WNT7A: variants seen among roughly 807,000 people sequenced by gnomAD.
WNT7A encodes Wnt family member 7A.
WNT7A carries 16 observed loss-of-function variants against 28.2 expected under a neutral mutation model. That is an observed-to-expected ratio of 0.57 (90% CI 0.38 to 0.86). The LOEUF is 0.86. Ranked by LOEUF, WNT7A falls within the 40% of genes least tolerant of loss-of-function variation. The probability of loss-of-function intolerance (pLI) is 0.00; values close to 1 mark genes in which losing one functional copy is unlikely to be tolerated. For synonymous variants in WNT7A, 190 were observed against 195.9 expected, an observed-to-expected ratio of 0.97 and a Z score of 0.25; for missense variants, 411 against 489.7, an observed-to-expected ratio of 0.84 and a Z score of 1.52.
At chr3:13,876,993 G>C (rs1463322846) in intron 1 of WNT7A, 1 of 152,220 alleles carries the variant, frequency 6.6e-6, no homozygotes, top group Non-Finnish European at 1.5e-5. Context: ...TTCCTCCTGA[G>C]AGGATGAGCT....
rs544957652 is a variant in WNT7A at position 13,871,015 on chromosome 3, G to A, written c.298+3932C>T. On this transcript the variant is annotated intron_variant, in intron 2 of 3. Coordinates refer to ENST00000285018, the MANE Select transcript of WNT7A (RefSeq NM_004625.4). ...ATACTCAGAAGGGAGCCAGGCATGC[G>A]ATGAAGAACTCTTCCTCTTCAGTCA... 3.9e-5 allele frequency among the ~76,000 whole-genome samples: 6 copies of A among 152,328 alleles called. No individual in the cohort carries two copies. The South Asian group carries it at 6.2e-4, about 16-fold the overall frequency.
chr3:13,851,641 G>A (rs1018212240), intron 3 of WNT7A, among the ~76,000 whole-genome samples: 6 of 152,182 alleles, frequency 3.9e-5, no homozygotes, highest in South Asian at 4.1e-4. Context: ...TAGACTGAAC[G>A]TCTAGTCTTG....
At chr3:13,838,265 C>T (rs114142163) in intron 3 of WNT7A, among the ~76,000 whole-genome samples, 73 of 152,262 alleles carry the variant, frequency 4.8e-4, no homozygotes, top group Admixed American at 1.8e-3. Flanking sequence ...CTCAGCTGTG[C>T]GGCTTCGGGT....
intron 3 of WNT7A, among the ~76,000 whole-genome samples, chr3:13,822,317 C>T (rs940666445): frequency 1.7e-4 from 26 of 152,258 alleles, no homozygotes; most frequent in South Asian, 1.5e-3. Flanking sequence ...AAAAAGTGAG[C>T]GGAATAACTC....
chr3:13,871,477 C>A (rs1178173786), intron 2 of WNT7A, among the ~76,000 whole-genome samples: 1 of 152,130 alleles, frequency 6.6e-6, no homozygotes, highest in East Asian at 1.9e-4. Context: ...ACTGCCACTA[C>A]CCTAGAAGTC....
intron 3 of WNT7A, among the ~76,000 whole-genome samples, chr3:13,829,902 T>C (rs1294074718): frequency 6.6e-6 from 1 of 152,018 alleles, no homozygotes; most frequent in Non-Finnish European, 1.5e-5. Context: ...CTTCATCCTT[T>C]CTCCTGCCTT....
At chr3:13,858,717 GA>G (rs1694785924) in intron 2 of WNT7A, among the ~76,000 whole-genome samples, 1 of 152,154 alleles carries the variant, frequency 6.6e-6, no homozygotes, top group South Asian at 2.1e-4. Context: ...AGACACCGAT[GA>G]GGGCCAGTCA....
chr3:13,858,525 A>G (rs1343801588), intron 2 of WNT7A, among the ~76,000 whole-genome samples: 1 of 151,998 alleles, frequency 6.6e-6, no homozygotes, highest in African/African-American at 2.4e-5. Context: ...TTTCCATCCC[A>G]CCCCTGAGGT....
chr3:13,823,080 C>T (rs1256000619), intron 3 of WNT7A, among the ~76,000 whole-genome samples: 1 of 152,226 alleles, frequency 6.6e-6, no homozygotes, highest in African/African-American at 2.4e-5. Context: ...CCACATTAAG[C>T]CAGGCATAAT....
chr3:13,850,420 C>T (rs950107651), intron 3 of WNT7A, among the ~76,000 whole-genome samples: 6 of 152,132 alleles, frequency 3.9e-5, no homozygotes, highest in Admixed American at 1.3e-4. Flanking sequence ...GGTGGGAATC[C>T]AGCTCCCAGG....
chr3:13,834,681 A>G (rs115735961), intron 3 of WNT7A, among the ~76,000 whole-genome samples: 1,688 of 151,962 alleles, frequency 0.011, 25 homozygotes, highest in African/African-American at 0.039. Context: ...CCCACTCTCC[A>G]CATGGCTCCC....
At chr3:13,819,711 G>A (rs1694080994) in intron 3 of WNT7A, among the ~76,000 whole-genome samples, 1 of 152,194 alleles carries the variant, frequency 6.6e-6, no homozygotes, top group African/African-American at 2.4e-5. Context: ...ACAGCAAGGA[G>A]AAAGAATGAA....
intron 3 of WNT7A, among the ~76,000 whole-genome samples, chr3:13,840,772 TATCC>T (rs902894307): frequency 2.6e-5 from 4 of 151,286 alleles, no homozygotes; most frequent in African/African-American, 9.7e-5. Flanking sequence ...ATCTAGCAAA[TATCC>T]ATCCATCCAT....
intron 3 of WNT7A, among the ~76,000 whole-genome samples, chr3:13,849,266 C>T (rs1694590297): frequency 6.6e-6 from 1 of 152,216 alleles, no homozygotes; most frequent in African/African-American, 2.4e-5. Flanking sequence ...TTCCACAATT[C>T]CATGTGAATC....
At position 13,826,283 on chromosome 3, in the gene WNT7A, A is replaced by C. The variant is rs139394514; in HGVS notation, c.571-6860T>G. Among the ~76,000 whole-genome samples, 443 of 152,276 alleles carry C rather than the reference A, an allele frequency of 2.9e-3. 1 individual carries two copies. The highest frequency in any genetic ancestry group is 0.01 in the African/African-American group (424 of 41,558). On this transcript the variant is annotated intron_variant, in intron 3 of 3. Coordinates refer to ENST00000285018, the MANE Select transcript of WNT7A (RefSeq NM_004625.4). ...AACTGTGGAATTAATAATTCCCCTG[A>C]ATCTAATCATACATTGGTAAGTGCT...
chr3:13,831,684 C>G (rs912402378), intron 3 of WNT7A, among the ~76,000 whole-genome samples: 2 of 152,128 alleles, frequency 1.3e-5, no homozygotes, highest in African/African-American at 4.8e-5. Context: ...ACCACTCCCC[C>G]TCCCTGGGCA....
chr3:13,879,637 G>T, intron 1 of WNT7A, 109 bp downstream of exon 1: 1 of 1,273,616 alleles, frequency 7.9e-7, no homozygotes, highest in Non-Finnish European at 1.1e-6. Flanking sequence ...CGGCCTCTCA[G>T]AGAAGCTGTG....
At chr3:13,846,644 G>A (rs1479210891) in intron 3 of WNT7A, among the ~76,000 whole-genome samples, 1 of 152,128 alleles carries the variant, frequency 6.6e-6, no homozygotes, top group Non-Finnish European at 1.5e-5. Context: ...TGCTTTGATA[G>A]GGACTGCATC....
chr3:13,869,082 AAG>A (rs1425335981), intron 2 of WNT7A, among the ~76,000 whole-genome samples: 6 of 140,930 alleles, frequency 4.3e-5, no homozygotes, highest in African/African-American at 1.6e-4. Context: ...GAGAGAGAGA[AAG>A]AGGGAGAGAG....
Sources: allele counts gnomAD v4.1 joint callset (sites outside exome capture counted in the v4.1 genomes callset), GRCh38; gene constraint gnomAD v4.1.1; transcripts MANE v1.5; gene names NCBI Gene and HGNC (gene_info 2026-07-23, HGNC 2026-07-21).